CDH12: variants seen among roughly 807,000 people sequenced by gnomAD.
CDH12 encodes the protein cadherin 12.
CDH12 carries 41 observed loss-of-function variants against 74.1 expected under a neutral mutation model. The ratio of observed to expected loss-of-function variants is 0.55; its 90% CI spans 0.43 to 0.72. The LOEUF (loss-of-function observed/expected upper bound fraction) is 0.72, where lower values mean the gene tolerates loss of function less well. CDH12 is among the 30% of genes least tolerant of loss of function. CDH12 has a pLI of 0.00. For synonymous variants in CDH12, 399 were observed against 355.0 expected, an observed-to-expected ratio of 1.12 and a Z score of -1.39; for missense variants, 945 against 977.2, an observed-to-expected ratio of 0.97 and a Z score of 0.44.
In CDH12 at chr5:22,111,377, A is replaced by G. The variant is rs115192641; in HGVS notation, c.-186-32515T>C. Among the ~76,000 whole-genome samples, 1,254 of 152,292 alleles carry G rather than the reference A, an allele frequency of 8.2e-3. 10 individuals carry two copies. The highest frequency in any genetic ancestry group is 0.029 in the African/African-American group (1,204 of 41,574). On this transcript the variant is annotated intron_variant, in intron 4 of 14. Coordinates refer to ENST00000382254, the MANE Select transcript of CDH12 (RefSeq NM_004061.5). ...AATTTAGGTAAGAAGAGCATGGATT[A>G]TATGTAGCTGCTTTCCCGTTTTCCC... is the stretch of plus-strand genomic sequence containing the variant.
At chr5:22,476,050 T>G (rs1746155876) in intron 2 of CDH12, among the ~76,000 whole-genome samples, 1 of 152,096 alleles carries the variant, frequency 6.6e-6, no homozygotes, top group Admixed American at 6.5e-5. Flanking sequence ...TTCCAAATTA[T>G]TCCTCCCTTC....
At chr5:22,292,751 T>C (rs1377391504) in intron 3 of CDH12, among the ~76,000 whole-genome samples, 1 of 152,116 alleles carries the variant, frequency 6.6e-6, no homozygotes, top group Non-Finnish European at 1.5e-5. Flanking sequence ...AAATTACAAG[T>C]GTTGCTGAGG....
intron 6 of CDH12, among the ~76,000 whole-genome samples, chr5:21,905,040 G>A (rs1301752003): frequency 6.6e-6 from 1 of 152,188 alleles, no homozygotes; most frequent in Non-Finnish European, 1.5e-5. Context: ...CATTTGCATA[G>A]CCATTGCAAT....
chr5:21,807,758 G>A (rs1436349388), intron 9 of CDH12, among the ~76,000 whole-genome samples: 1 of 152,086 alleles, frequency 6.6e-6, no homozygotes, highest in Non-Finnish European at 1.5e-5. Context: ...TATACTCTGT[G>A]TGCAATGACT....
chr5:22,004,120 G>A (rs6872750), intron 5 of CDH12, among the ~76,000 whole-genome samples: 47 of 152,226 alleles, frequency 3.1e-4, no homozygotes, highest in Middle Eastern at 3.4e-3. Flanking sequence ...ACAAATGTAC[G>A]CATTAAACCT....
At position 22,064,252 on chromosome 5, in the gene CDH12, G is replaced by A. The variant is rs116316696; in HGVS notation, c.231+14194C>T. Among the ~76,000 whole-genome samples the A allele has an allele frequency of 4.7e-3, 719 of 152,240 alleles. 4 individuals carry two copies. The highest frequency in any genetic ancestry group is 0.016 in the African/African-American group (679 of 41,536). Reference sequence around the variant, plus strand: ...CCACAGGGCCCACTGCATGACTTGCGAATGCATGGATTGTGGTATCTCTGG... The same window carrying A: ...CCACAGGGCCCACTGCATGACTTGCAAATGCATGGATTGTGGTATCTCTGG... On this transcript the variant is annotated intron_variant, in intron 5 of 14. Transcript: ENST00000382254.
chr5:22,506,329 C>A (rs565788708), intron 1 of CDH12, among the ~76,000 whole-genome samples: 82 of 152,232 alleles, frequency 5.4e-4, no homozygotes, highest in African/African-American at 1.9e-3. Flanking sequence ...TTCATTTATT[C>A]ATTCAGTAAT....
chr5:21,787,663 G>T (rs1366994322), intron 10 of CDH12, among the ~76,000 whole-genome samples: 1 of 152,108 alleles, frequency 6.6e-6, no homozygotes, highest in African/African-American at 2.4e-5. Context: ...ATATTTATTA[G>T]AATAAAGTAT....
intron 3 of CDH12, among the ~76,000 whole-genome samples, chr5:22,363,983 T>G (rs1463896746): frequency 2.6e-5 from 4 of 152,216 alleles, no homozygotes; most frequent in Admixed American, 2.0e-4. Context: ...TTATAAAGGC[T>G]TTGCCTTCAT....
intron 5 of CDH12, among the ~76,000 whole-genome samples, chr5:22,022,442 A>T (rs115859394): frequency 0.026 from 3,913 of 152,150 alleles, 169 homozygotes; most frequent in African/African-American, 0.089. Flanking sequence ...CTCCCCAGCC[A>T]TGCCTTCGTA....
chr5:22,690,938 C>T (rs1167598004), intron 1 of CDH12, among the ~76,000 whole-genome samples: 1 of 152,138 alleles, frequency 6.6e-6, no homozygotes, highest in Non-Finnish European at 1.5e-5. Context: ...GTCTCTCAGA[C>T]TGGGATGTCC....
At chr5:22,533,704 A>T (rs549762186) in intron 1 of CDH12, among the ~76,000 whole-genome samples, 1 of 152,216 alleles carries the variant, frequency 6.6e-6, no homozygotes, top group Non-Finnish European at 1.5e-5. Context: ...GCAACTCCAC[A>T]GGACATCCCA....
intron 1 of CDH12, among the ~76,000 whole-genome samples, chr5:22,743,055 A>T (rs866924178): frequency 1.1e-4 from 17 of 151,456 alleles, no homozygotes; most frequent in South Asian, 6.2e-4. Context: ...CCTCCTGCTC[A>T]ACTGTATCAA....
chr5:21,783,453 G>GT lies in CDH12; in HGVS notation c.1297dup (p.Thr433AsnfsTer6). 1 of 1,606,292 alleles carries GT rather than the reference G, an allele frequency of 6.2e-7. No homozygotes were observed. Among genetic ancestry groups the GT allele is most frequent in the Non-Finnish European group, 8.5e-7 (1 of 1,173,018 alleles). On this transcript the variant is annotated frameshift_variant, in exon 11 of 15. Coordinates refer to ENST00000382254, the MANE Select transcript of CDH12 (RefSeq NM_004061.5). LOFTEE classifies it high-confidence loss of function. ...GATGGTTCCTTCATTTCCATCTATT[G>GT]TAAAGTAGCTGTCCCCATCACTCTT...
At chr5:22,599,226 T>C (rs1736737820) in intron 1 of CDH12, among the ~76,000 whole-genome samples, 1 of 152,190 alleles carries the variant, frequency 6.6e-6, no homozygotes, top group African/African-American at 2.4e-5. Flanking sequence ...AATTGCACTA[T>C]TCATTATTCA....
At chr5:22,790,617 T>A (rs1747859851) in intron 1 of CDH12, among the ~76,000 whole-genome samples, 1 of 151,560 alleles carries the variant, frequency 6.6e-6, no homozygotes, top group East Asian at 1.9e-4. Flanking sequence ...GAGAAAATAT[T>A]ACAGATATAT....
intron 1 of CDH12, chr5:22,580,342 T>C (rs901330164): frequency 6.6e-6 from 3 of 453,936 alleles, no homozygotes; most frequent in African/African-American, 6.0e-5. Flanking sequence ...AGCATCCATT[T>C]CAAGTCACCA....
At chr5:21,789,794 T>C (rs930431150) in intron 10 of CDH12, among the ~76,000 whole-genome samples, 1 of 152,146 alleles carries the variant, frequency 6.6e-6, no homozygotes, top group African/African-American at 2.4e-5. Flanking sequence ...GTATACATTT[T>C]GTGTATGTGA....
chr5:22,425,077 T>TAG (rs56983010), intron 2 of CDH12, among the ~76,000 whole-genome samples: 97 of 101,724 alleles, frequency 9.5e-4, no homozygotes, highest in South Asian at 1.9e-3. Flanking sequence ...TATATATATA[T>TAG]AGAGAGAGAG....
Sources: allele counts gnomAD v4.1 joint callset (sites outside exome capture counted in the v4.1 genomes callset), GRCh38; gene constraint gnomAD v4.1.1; transcripts MANE v1.5; gene names NCBI Gene and HGNC (gene_info 2026-07-23, HGNC 2026-07-21).